Variants in MSI2 observed in about 807,000 individuals in gnomAD.
The protein encoded by MSI2 is musashi RNA binding protein 2, also known as RNA-binding protein Musashi homolog 2.
Under a neutral mutation model 45.6 loss-of-function variants are expected in MSI2, and 17 were observed. The observed-to-expected ratio is 0.37, with a 90% CI of 0.26 to 0.56. The LOEUF (loss-of-function observed/expected upper bound fraction) is 0.56, where lower values mean the gene tolerates loss of function less well. MSI2 is among the 20% of genes least tolerant of loss of function. The probability of loss-of-function intolerance (pLI) is 0.77; values close to 1 mark genes in which losing one functional copy is unlikely to be tolerated. For missense variants in MSI2, 293 were observed against 444.2 expected (o/e 0.66, Z 3.06); for synonymous variants, 156 against 158.2 (o/e 0.99, Z 0.11).
intron 6 of MSI2, among the ~76,000 whole-genome samples, chr17:57,412,562 G>T (rs1297626877): frequency 6.6e-6 from 1 of 152,078 alleles, no homozygotes; most frequent in Non-Finnish European, 1.5e-5. Context: ...TAGTATAGGG[G>T]CTGGCAAACT....
intron 6 of MSI2, among the ~76,000 whole-genome samples, chr17:57,412,744 G>A (rs117720876): frequency 1.8e-4 from 27 of 152,302 alleles, no homozygotes; most frequent in Non-Finnish European, 3.1e-4. Context: ...GAGGCTGCTG[G>A]TTTTGGCCCT....
intron 10 of MSI2, among the ~76,000 whole-genome samples, chr17:57,649,931 G>A (rs1325027532): frequency 1.3e-5 from 2 of 152,168 alleles, no homozygotes; most frequent in East Asian, 1.9e-4. Flanking sequence ...GCTGCTGCCC[G>A]TGCTGTGTGA....
chr17:57,474,856 T>A (rs538494275), intron 6 of MSI2, among the ~76,000 whole-genome samples: 3 of 152,118 alleles, frequency 2.0e-5, no homozygotes, highest in Non-Finnish European at 4.4e-5. Context: ...GTAGCTGGGA[T>A]TACAGGCGTG....
intron 6 of MSI2, among the ~76,000 whole-genome samples, chr17:57,418,921 T>C (rs942229054): frequency 3.9e-5 from 6 of 152,120 alleles, no homozygotes; most frequent in Non-Finnish European, 7.4e-5. Context: ...TATAAAACCT[T>C]TATTGAAAAT....
chr17:57,286,279 GGGGA>G (rs1184657246), intron 5 of MSI2, among the ~76,000 whole-genome samples: 1 of 151,712 alleles, frequency 6.6e-6, no homozygotes, highest in Non-Finnish European at 1.5e-5. Context: ...AGTGTTTTAG[GGGGA>G]AGCTCTGAAG....
At chr17:57,490,269 C>T (rs1263852793) in intron 6 of MSI2, among the ~76,000 whole-genome samples, 1 of 152,208 alleles carries the variant, frequency 6.6e-6, no homozygotes, top group Non-Finnish European at 1.5e-5. Flanking sequence ...TCCTTTTAGG[C>T]CCCACAGAGA....
intron 5 of MSI2, among the ~76,000 whole-genome samples, chr17:57,273,730 G>A (rs979404231): frequency 7.9e-5 from 12 of 152,136 alleles, no homozygotes; most frequent in Non-Finnish European, 1.8e-4. Context: ...CCCTCCAAGC[G>A]GCCCCTCTGC....
intron 8 of MSI2, among the ~76,000 whole-genome samples, chr17:57,599,126 C>T (rs1055161731): frequency 6.6e-6 from 1 of 152,220 alleles, no homozygotes; most frequent in Admixed American, 6.5e-5. Flanking sequence ...CCATTCCTGT[C>T]TTGCCAAGCC....
chr17:57,693,781 G>A, the MSI2 span, among the ~76,000 whole-genome samples: 1 of 152,162 alleles, frequency 6.6e-6, no homozygotes, highest in East Asian at 1.9e-4. Flanking sequence ...ACTTTTGATT[G>A]AAAGCAAAAC....
At chr17:57,325,655 G>A (rs539167245) in intron 5 of MSI2, among the ~76,000 whole-genome samples, 1 of 152,264 alleles carries the variant, frequency 6.6e-6, no homozygotes, top group East Asian at 1.9e-4. Context: ...AGTTGGTGTT[G>A]TCATCTCTTC....
chr17:57,700,860 C>T, the MSI2 span, among the ~76,000 whole-genome samples: 4,203 of 151,154 alleles, frequency 0.028, 70 homozygotes, highest in Middle Eastern at 0.075. Flanking sequence ...CGAGATCATA[C>T]CACTGTACTC....
chr17:57,263,357 C>G (rs1598041925), intron 5 of MSI2: 1 of 152,148 alleles, frequency 6.6e-6, no homozygotes, highest in Admixed American at 6.5e-5. Flanking sequence ...TTTCTTCAGG[C>G]ATTTTTTTGT....
chr17:57,325,262 A>G (rs1913690726), intron 5 of MSI2, among the ~76,000 whole-genome samples: 2 of 152,222 alleles, frequency 1.3e-5, no homozygotes, highest in African/African-American at 4.8e-5. Flanking sequence ...TACAAGTGCA[A>G]AGGCACACAG....
chr17:57,543,659 C>G (rs2087102076), intron 7 of MSI2, among the ~76,000 whole-genome samples: 1 of 152,152 alleles, frequency 6.6e-6, no homozygotes, highest in Non-Finnish European at 1.5e-5. Flanking sequence ...ATAAACTACT[C>G]TGGAAACACC....
At position 57,627,057 on chromosome 17, in the gene MSI2, G is replaced by A; in HGVS notation, c.653-172G>A. 1 of 641,048 alleles carries A rather than the reference G, an allele frequency of 1.6e-6. No homozygotes were observed. Among genetic ancestry groups the A allele is most frequent in the South Asian group, 1.9e-5 (1 of 51,708 alleles). The allele number at this position is 641,048 out of a possible 1,614,324, so 39.7% of individuals were successfully genotyped here. Reference sequence around the variant, plus strand: ...GCAACAGCTGACAGCAGCGCCCCCGGCCACAGGAGAGAGGTGACCCAGACC... The same window carrying A: ...GCAACAGCTGACAGCAGCGCCCCCGACCACAGGAGAGAGGTGACCCAGACC... On this transcript the variant is annotated intron_variant, in intron 9 of 13. Coordinates refer to ENST00000284073, the MANE Select transcript of MSI2 (RefSeq NM_138962.4). The surrounding 1 kb of genome is among the most constrained non-coding windows in gnomAD (Gnocchi z 4.6).
intron 6 of MSI2, among the ~76,000 whole-genome samples, chr17:57,510,242 G>A (rs2086322921): frequency 6.6e-6 from 1 of 151,892 alleles, no homozygotes; most frequent in Non-Finnish European, 1.5e-5. Context: ...AGGGTGCCTG[G>A]GCCCCTGAGG....
At chr17:57,458,606 A>C (rs146915979) in intron 6 of MSI2, among the ~76,000 whole-genome samples, 1 of 152,174 alleles carries the variant, frequency 6.6e-6, no homozygotes, top group Non-Finnish European at 1.5e-5. Context: ...TGCTGGCTAC[A>C]TGGATGGAGA....
rs189282665 is a variant in MSI2, at chr17:57,587,031, C to T, written c.455-9837C>T. Among the ~76,000 whole-genome samples the T allele has an allele frequency of 2.6e-5, 4 of 152,216 alleles. No individual in the cohort carries two copies. The East Asian group carries it at 5.8e-4, about 22-fold the overall frequency. ...GAATTACCAGAGACCTGGGTAAAAA[C>T]GCAGTTCCTGGGCAACACCCACTGA... is the stretch of plus-strand genomic sequence containing the variant. On this transcript the variant is annotated intron_variant, in intron 7 of 13. Transcript: ENST00000284073.
At chr17:57,270,597 A>G (rs1393576595) in intron 5 of MSI2, among the ~76,000 whole-genome samples, 2 of 152,242 alleles carry the variant, frequency 1.3e-5, no homozygotes, top group Non-Finnish European at 2.9e-5. Context: ...GGCATTTTAG[A>G]CAAGTCACTT....
Sources: gnomAD v4.1 joint callset for allele counts (sites outside exome capture counted in the v4.1 genomes callset) on GRCh38, gnomAD v4.1.1 for gene constraint, Gnocchi (gnomAD v3.1) non-coding constraint, MANE v1.5 for transcripts, NCBI Gene and HGNC (gene_info 2026-07-23, HGNC 2026-07-21) for gene names.